The following NIPA1 variants were observed in gnomAD, a reference collection of about 807,000 sequenced individuals.
NIPA1 encodes the protein NIPA magnesium transporter 1.
Under a neutral mutation model 23.9 loss-of-function variants are expected in NIPA1, and 13 were observed. That is an observed-to-expected ratio of 0.54 (90% CI 0.35 to 0.87). NIPA1 has a LOEUF of 0.87. Among genes scored for constraint, NIPA1 ranks in the 40% least tolerant of loss-of-function variants. NIPA1 has a pLI of 0.01. For missense variants in NIPA1, 362 were observed against 429.7 expected (o/e 0.84, Z 1.39); for synonymous variants, 234 against 202.9 (o/e 1.15, Z -1.30).
intron 1 of NIPA1, among the ~76,000 whole-genome samples, chr15:22,801,066 C>A (rs1350657439): frequency 8.1e-6 from 1 of 124,206 alleles, no homozygotes; most frequent in East Asian, 2.5e-4. Flanking sequence ...AAGAGTAAAA[C>A]TCCAGCTCAA....
intron 1 of NIPA1, among the ~76,000 whole-genome samples, chr15:22,804,180 G>C (rs1244163692): frequency 6.6e-6 from 1 of 151,970 alleles, no homozygotes; most frequent in Non-Finnish European, 1.5e-5. Flanking sequence ...GTTTCATCAT[G>C]TTGGCCAGGC....
intron 1 of NIPA1, among the ~76,000 whole-genome samples, chr15:22,788,498 C>CAAAAAAAAGAAAAAAAA (rs1894759376): frequency 1.1e-5 from 1 of 89,588 alleles, no homozygotes; most frequent in Non-Finnish European, 2.3e-5. Flanking sequence ...GACTCCATCT[C>CAAAAAAAAGAAAAAAAA]AAAAAAAAAA....
In NIPA1 at chr15:22,826,259, C is replaced by T. The variant is rs185496552; in HGVS notation, c.*2020C>T. On this transcript the variant is annotated 3_prime_UTR_variant, in exon 5 of 5. Transcript: ENST00000337435. ...TTGTCAGTGATTTGTGAACTGAGAG[C>T]AGCAACAACATTATTTTTTAAAAAT... 6.1e-5 allele frequency: 9 copies of T among 147,574 alleles called. No individual in the cohort carries two copies. The highest frequency in any genetic ancestry group is 2.2e-4 in the African/African-American group (9 of 40,348). 9.1% of individuals were successfully genotyped at this position (147,574 alleles called of 1,614,324 possible).
At chr15:22,786,480 C>T (rs1269375722), upstream of NIPA1, among the ~76,000 whole-genome samples, 1 of 151,250 alleles carries the variant, frequency 6.6e-6, no homozygotes, top group African/African-American at 2.4e-5. Flanking sequence ...GGCGCCACTG[C>T]TGTCCCCGCA....
chr15:22,802,700 G>A (rs1328619521), intron 1 of NIPA1, among the ~76,000 whole-genome samples: 2 of 152,038 alleles, frequency 1.3e-5, no homozygotes, highest in Non-Finnish European at 2.9e-5. Flanking sequence ...AAAGTTCCCT[G>A]GTGCCTCATC....
chr15:22,817,499 CAA>C lies in NIPA1; in HGVS notation c.318-2798_318-2797del, dbSNP rs60309093. Among the ~76,000 whole-genome samples, 279 of 122,968 alleles carry C rather than the reference CAA, an allele frequency of 2.3e-3. 2 individuals are homozygous for C. The East Asian group carries it at 0.031, about 14-fold the overall frequency. 80.7% of individuals were successfully genotyped at this position (122,968 alleles called of 152,430 possible). A position where few individuals can be genotyped will look rare whatever the true frequency, so the allele number is the denominator to read the frequency against. On this transcript the variant is annotated intron_variant, in intron 3 of 4. Transcript: ENST00000337435. ...GGGCAACAAAAGCGAAACTCCGTCTCAAAAAAAAAAAAAAAAATTACGGCTGG... is the reference window on the plus strand; with the variant it reads ...GGGCAACAAAAGCGAAACTCCGTCTCAAAAAAAAAAAAAAATTACGGCTGG...
rs576073284 is a variant in NIPA1 at position 22,826,013 on chromosome 15, G to A, written c.*1774G>A. 6.6e-6 allele frequency: 1 copy of A among 152,192 alleles called. No individual in the cohort carries two copies. The highest frequency in any genetic ancestry group is 1.5e-5 in the Non-Finnish European group (1 of 68,020). The allele number at this position is 152,192 out of a possible 1,614,324, so 9.4% of individuals were successfully genotyped here. ...ACGCCAAGTTGAAAGATGGGGTTGG[G>A]TAAAGTAGATTAGGTGAAGTAGAAC... On this transcript the variant is annotated 3_prime_UTR_variant, in exon 5 of 5. Transcript: ENST00000337435.
chr15:22,789,858 G>A (rs747381914), intron 1 of NIPA1, among the ~76,000 whole-genome samples: 12 of 151,786 alleles, frequency 7.9e-5, no homozygotes, highest in Non-Finnish European at 1.5e-4. Flanking sequence ...GCAGTGGCGC[G>A]ATCTTGGCTC....
At position 22,828,791 on chromosome 15, in the gene NIPA1, G is replaced by A. The variant is rs1272723528; in HGVS notation, c.*4552G>A. On this transcript the variant is annotated 3_prime_UTR_variant, in exon 5 of 5. Coordinates refer to ENST00000337435, the MANE Select transcript of NIPA1 (RefSeq NM_144599.5). ...TTTTTCCCTAAATTGTGCAAACATA[G>A]GTGAGTCTCTTAACCTTTCTGTGCC... 1 of 152,578 alleles carries A rather than the reference G, an allele frequency of 6.6e-6. No individual in the cohort carries two copies. Among genetic ancestry groups the A allele is most frequent in the Admixed American group, 6.5e-5 (1 of 15,270 alleles). The allele number at this position is 152,578 out of a possible 1,614,324, so 9.5% of individuals were successfully genotyped here. A position where few individuals can be genotyped will look rare whatever the true frequency, so the allele number is the denominator to read the frequency against.
At chr15:22,818,722 G>A (rs537554133) in intron 3 of NIPA1, among the ~76,000 whole-genome samples, 14 of 151,456 alleles carry the variant, frequency 9.2e-5, no homozygotes, top group Non-Finnish European at 1.6e-4. Context: ...GCTTGAACCC[G>A]GGAGGCAGAG....
chr15:22,798,000 A>G (rs1391015779), intron 1 of NIPA1, among the ~76,000 whole-genome samples: 3 of 151,476 alleles, frequency 2.0e-5, no homozygotes, highest in African/African-American at 7.3e-5. Flanking sequence ...ACCTGCCACT[A>G]CGCCCGGCTA....
intron 1 of NIPA1, among the ~76,000 whole-genome samples, chr15:22,803,486 C>T (rs1362465526): frequency 1.5e-5 from 2 of 133,440 alleles, no homozygotes; most frequent in African/African-American, 2.8e-5. Context: ...CTTGCCTTTT[C>T]ATTTTCTTAA....
rs1895662292 is a variant in NIPA1 at position 22,826,817 on chromosome 15, C to G, written c.*2578C>G. On this transcript the variant is annotated 3_prime_UTR_variant, in exon 5 of 5. Coordinates refer to ENST00000337435, the MANE Select transcript of NIPA1 (RefSeq NM_144599.5). ...TTCAGTAGGATACATAGCTTTTCTT[C>G]CAGTGAAACAAAGTTCATATCATCC... is the stretch of plus-strand genomic sequence containing the variant. 1 of 152,124 alleles carries G rather than the reference C, an allele frequency of 6.6e-6. No individual in the cohort carries two copies. The highest frequency in any genetic ancestry group is 6.6e-5 in the Admixed American group (1 of 15,266). 9.4% of individuals were successfully genotyped at this position (152,124 alleles called of 1,614,324 possible).
chr15:22,814,264 G>GT (rs535968433), intron 3 of NIPA1: 16,057 of 243,350 alleles, frequency 0.066, 3 homozygotes, highest in South Asian at 0.15. Flanking sequence ...TTTTTTTTTT[G>GT]TTTTTTTTTT....
chr15:22,801,350 T>A (rs1368402050), intron 1 of NIPA1, among the ~76,000 whole-genome samples: 1 of 151,884 alleles, frequency 6.6e-6, no homozygotes, highest in Admixed American at 6.6e-5. Context: ...CATCTACCCG[T>A]CATGTATCAA....
At chr15:22,805,676 ACT>A (rs1895191845) in intron 1 of NIPA1, among the ~76,000 whole-genome samples, 1 of 151,996 alleles carries the variant, frequency 6.6e-6, no homozygotes, top group African/African-American at 2.4e-5. Flanking sequence ...AGAGAGTGAG[ACT>A]CTGTCTCAAA....
At chr15:22,816,269 A>G (rs1361939686) in intron 3 of NIPA1, among the ~76,000 whole-genome samples, 1 of 133,940 alleles carries the variant, frequency 7.5e-6, no homozygotes, top group African/African-American at 2.9e-5. Flanking sequence ...GCTCACTGCA[A>G]CCTCCACCTC....
chr15:22,788,793 C>A (rs1038609260), intron 1 of NIPA1, among the ~76,000 whole-genome samples: 1 of 151,024 alleles, frequency 6.6e-6, no homozygotes, highest in African/African-American at 2.4e-5. Context: ...GTGGCTCACA[C>A]CTGTAATCCC....
At chr15:22,817,337 T>G (rs575420481) in intron 3 of NIPA1, among the ~76,000 whole-genome samples, 1 of 137,980 alleles carries the variant, frequency 7.2e-6, no homozygotes, top group Non-Finnish European at 1.5e-5. Context: ...CCGTCTCTCA[T>G]AAAAATACAA....
Sources: gnomAD v4.1 joint callset for allele counts (sites outside exome capture counted in the v4.1 genomes callset) on GRCh38, gnomAD v4.1.1 for gene constraint, MANE v1.5 for transcripts, NCBI Gene and HGNC (gene_info 2026-07-23, HGNC 2026-07-21) for gene names.